KCNMA1: variants seen among roughly 807,000 people sequenced by gnomAD.
KCNMA1 encodes Calcium-activated potassium channel subunit alpha-1.
In KCNMA1, 29 loss-of-function variants were observed where a neutral mutation model predicts 140.0. That is an observed-to-expected ratio of 0.21 (90% CI 0.15 to 0.28). The LOEUF is 0.28. KCNMA1 is among the 10% of genes least tolerant of loss of function. KCNMA1 has a pLI of 1.00. For synonymous variants in KCNMA1, 612 were observed against 611.9 expected, an observed-to-expected ratio of 1.00 and a Z score of 0.00; for missense variants, 880 against 1,602.2, an observed-to-expected ratio of 0.55 and a Z score of 7.70.
At chr10:77,585,429 G>A (rs775930547) in intron 1 of KCNMA1, among the ~76,000 whole-genome samples, 3 of 152,202 alleles carry the variant, frequency 2.0e-5, no homozygotes, top group Non-Finnish European at 2.9e-5. Context: ...AAAAATTACT[G>A]GAGTAAGAGG....
chr10:77,212,076 C>G (rs555896758), intron 3 of KCNMA1, among the ~76,000 whole-genome samples: 26 of 152,148 alleles, frequency 1.7e-4, no homozygotes, highest in African/African-American at 5.8e-4. Flanking sequence ...TACCATTCAA[C>G]CCAACAATCC....
chr10:77,597,998 G>A (rs1182919123), intron 1 of KCNMA1, among the ~76,000 whole-genome samples: 1 of 152,138 alleles, frequency 6.6e-6, no homozygotes, highest in Non-Finnish European at 1.5e-5. Context: ...TTGAGACTGA[G>A]TCTCACTTTG....
At chr10:77,261,391 A>C (rs1483375440) in intron 2 of KCNMA1, among the ~76,000 whole-genome samples, 1 of 152,078 alleles carries the variant, frequency 6.6e-6, no homozygotes, top group African/African-American at 2.4e-5. Flanking sequence ...CAATTGCCCA[A>C]TCTCTTCCCT....
At chr10:77,633,907 T>C (rs1201105321) in intron 1 of KCNMA1, among the ~76,000 whole-genome samples, 1 of 152,216 alleles carries the variant, frequency 6.6e-6, no homozygotes, top group Non-Finnish European at 1.5e-5. Context: ...GAAATAAAGA[T>C]ATGTAACTGT....
At chr10:77,594,565 A>G (rs1276350197) in intron 1 of KCNMA1, among the ~76,000 whole-genome samples, 1 of 152,158 alleles carries the variant, frequency 6.6e-6, no homozygotes, top group East Asian at 1.9e-4. Flanking sequence ...CTGAACTGGG[A>G]GTTAGAAGCA....
intron 20 of KCNMA1, among the ~76,000 whole-genome samples, chr10:76,966,313 T>C (rs887965943): frequency 1.1e-4 from 16 of 152,138 alleles, no homozygotes; most frequent in Admixed American, 7.9e-4. Context: ...TGGAGAAATC[T>C]CATCAACCAA....
At chr10:77,181,768 A>G (rs752760044) in intron 5 of KCNMA1, among the ~76,000 whole-genome samples, 19 of 152,084 alleles carry the variant, frequency 1.2e-4, no homozygotes, top group Admixed American at 6.5e-5. Context: ...GGAGAAAATA[A>G]GGAGGAATCA....
intron 1 of KCNMA1, among the ~76,000 whole-genome samples, chr10:77,455,420 C>CT (rs2097744743): frequency 6.6e-6 from 1 of 152,216 alleles, no homozygotes; most frequent in Non-Finnish European, 1.5e-5. Context: ...CCTGCCCTCC[C>CT]TGCCCAGCCC....
chr10:77,591,314 T>G (rs2079083277), intron 1 of KCNMA1, among the ~76,000 whole-genome samples: 1 of 152,180 alleles, frequency 6.6e-6, no homozygotes, highest in Non-Finnish European at 1.5e-5. Flanking sequence ...GCCAGCTGTG[T>G]ATAGATTCAA....
chr10:76,931,689 A>C (rs1026721162), intron 23 of KCNMA1, among the ~76,000 whole-genome samples: 1 of 152,014 alleles, frequency 6.6e-6, no homozygotes, highest in African/African-American at 2.4e-5. Flanking sequence ...AGCTGTCCCA[A>C]TCTCTGCTTC....
At chr10:77,453,700 C>T (rs1385972569) in intron 1 of KCNMA1, among the ~76,000 whole-genome samples, 2 of 152,180 alleles carry the variant, frequency 1.3e-5, no homozygotes, top group Non-Finnish European at 1.5e-5. Flanking sequence ...ATTCACAGGC[C>T]AGGGCAGCAA....
chr10:77,530,408 T>C (rs1357227628), intron 1 of KCNMA1, among the ~76,000 whole-genome samples: 1 of 152,212 alleles, frequency 6.6e-6, no homozygotes, highest in Non-Finnish European at 1.5e-5. Flanking sequence ...AAGTCTAACA[T>C]AAAATGCAGT....
rs1318142360 is a variant in KCNMA1 at position 76,949,483 on chromosome 10, G to A, written c.2485-117C>T. 14 of 842,376 alleles carry A rather than the reference G, an allele frequency of 1.7e-5. No individual in the cohort carries two copies. The East Asian group carries it at 2.9e-4, about 18-fold the overall frequency. 52.2% of individuals were successfully genotyped at this position (842,376 alleles called of 1,614,324 possible). On this transcript the variant is annotated intron_variant, in intron 21 of 27. Transcript: ENST00000286628. The stretch of plus-strand genomic sequence containing the variant: ...CAAATATTTGCTGAGAGCTTACTAT[G>A]TGCTATTATTTTTATTTCATCAATG...
Position 76,983,713 on chromosome 10 carries a change from T to C in KCNMA1, c.2267-13646A>G, listed in dbSNP as rs923949536. Among the ~76,000 whole-genome samples the C allele has an allele frequency of 6.9e-5, 10 of 143,978 alleles. No individual in the cohort carries two copies. The South Asian group carries it at 1.3e-3, about 19-fold the overall frequency. The allele number at this position is 143,978 out of a possible 152,430, so 94.5% of individuals were successfully genotyped here. A position where few individuals can be genotyped will look rare whatever the true frequency, so the allele number is the denominator to read the frequency against. ...CTGCACTCCAGCCTGGATGACACAG[T>C]GAGACACTGTTTAAAAAAAAAAAAA... On this transcript the variant is annotated intron_variant, in intron 19 of 27. Coordinates refer to ENST00000286628, the MANE Select transcript of KCNMA1 (RefSeq NM_001161352.2).
intron 2 of KCNMA1, among the ~76,000 whole-genome samples, chr10:77,332,841 T>C (rs1247851815): frequency 6.6e-6 from 1 of 152,188 alleles, no homozygotes; most frequent in South Asian, 2.1e-4. Context: ...TTCAGACAAA[T>C]GCAGAGAAAC....
At chr10:77,016,967 G>GT (rs1296835759) in intron 17 of KCNMA1, among the ~76,000 whole-genome samples, 2 of 151,884 alleles carry the variant, frequency 1.3e-5, no homozygotes, top group African/African-American at 4.8e-5. Context: ...CCTTTCTGTG[G>GT]TTTTTTGCAG....
At chr10:77,052,829 T>C (rs2095417975) in intron 14 of KCNMA1, among the ~76,000 whole-genome samples, 2 of 152,134 alleles carry the variant, frequency 1.3e-5, no homozygotes. Flanking sequence ...AGCAGACCCA[T>C]GCTTTTTAGA....
chr10:77,385,479 T>C (rs1177639292), intron 2 of KCNMA1, among the ~76,000 whole-genome samples: 2 of 152,266 alleles, frequency 1.3e-5, no homozygotes, highest in East Asian at 3.8e-4. Context: ...ACGATTGTCT[T>C]CTGTCACTGG....
rs78731682 is a variant in KCNMA1, at chr10:76,926,035, T to C, written c.2903-10986A>G. Among the ~76,000 whole-genome samples, 1,183 of 152,234 alleles carry C rather than the reference T, an allele frequency of 7.8e-3. 14 individuals are homozygous for C. Among genetic ancestry groups the C allele is most frequent in the African/African-American group, 0.027 (1,137 of 41,526 alleles). On this transcript the variant is annotated intron_variant, in intron 23 of 27. Coordinates refer to ENST00000286628, the MANE Select transcript of KCNMA1 (RefSeq NM_001161352.2). ...AAAGAAAGAATCTTTTTTTCTTAAGTGTTGAAGTGTTTCCTGTACATACGT... is the reference window on the plus strand; with the variant it reads ...AAAGAAAGAATCTTTTTTTCTTAAGCGTTGAAGTGTTTCCTGTACATACGT...
Sources: gnomAD v4.1 joint callset for allele counts (sites outside exome capture counted in the v4.1 genomes callset) on GRCh38, gnomAD v4.1.1 for gene constraint, MANE v1.5 for transcripts, NCBI Gene and HGNC (gene_info 2026-07-23, HGNC 2026-07-21) for gene names.